The following GPR176 variants were observed in gnomAD, a reference collection of about 807,000 sequenced individuals.
GPR176 encodes the protein G protein-coupled receptor 176, also known as G-protein coupled receptor 176.
GPR176 carries 26 observed loss-of-function variants against 35.4 expected under a neutral mutation model. The ratio of observed to expected loss-of-function variants is 0.74; its 90% CI spans 0.54 to 1.02. GPR176 has a LOEUF of 1.02. Among genes scored for constraint, GPR176 ranks in the 50% least tolerant of loss-of-function variants. The probability of loss-of-function intolerance (pLI) is 0.00; values close to 1 mark genes in which losing one functional copy is unlikely to be tolerated. For synonymous variants in GPR176, 278 were observed against 271.3 expected (o/e 1.02, Z -0.24); for missense variants, 597 against 665.3 (o/e 0.90, Z 1.13).
chr15:39,844,232 G>A (rs906466560), intron 1 of GPR176, among the ~76,000 whole-genome samples: 10 of 152,066 alleles, frequency 6.6e-5, no homozygotes, highest in African/African-American at 2.2e-4. Context: ...TGGGGTGCTT[G>A]TAAAAATATA....
At chr15:39,893,519 G>C (rs1383019457) in intron 1 of GPR176, among the ~76,000 whole-genome samples, 1 of 152,104 alleles carries the variant, frequency 6.6e-6, no homozygotes, top group African/African-American at 2.4e-5. Context: ...ACACAGACAC[G>C]GCAACCATCC....
chr15:39,901,879 G>T (rs2033287608), intron 1 of GPR176, among the ~76,000 whole-genome samples: 1 of 151,308 alleles, frequency 6.6e-6, no homozygotes, highest in African/African-American at 2.4e-5. Context: ...TTCGAGACCA[G>T]CCTGGCCAAT....
chr15:39,871,450 G>C (rs1185438685), intron 1 of GPR176, among the ~76,000 whole-genome samples: 1 of 152,210 alleles, frequency 6.6e-6, no homozygotes, highest in Non-Finnish European at 1.5e-5. Context: ...GCAAGGTAGA[G>C]AGTGGAGATG....
At position 39,885,818 on chromosome 15, in the gene GPR176, A is replaced by T. The variant is rs145988844; in HGVS notation, c.172+34037T>A. On this transcript the variant is annotated intron_variant, in intron 1 of 2. Transcript: ENST00000561100. ...CTGTACCTATCTCAAAAAGTGATGT[A>T]GAACAAGACACTGATGTAGAAGACA... Among the ~76,000 whole-genome samples, 289 of 152,390 alleles carry T rather than the reference A, an allele frequency of 1.9e-3. 1 individual carries two copies. Among genetic ancestry groups the T allele is most frequent in the African/African-American group, 6.4e-3 (265 of 41,604 alleles).
chr15:39,867,016 A>G (rs1256105939), intron 1 of GPR176, among the ~76,000 whole-genome samples: 1 of 152,162 alleles, frequency 6.6e-6, no homozygotes, highest in African/African-American at 2.4e-5. Context: ...GCATCCAGAG[A>G]GGAGAAAGAG....
chr15:39,893,734 T>C (rs1437524241), intron 1 of GPR176, among the ~76,000 whole-genome samples: 4 of 146,384 alleles, frequency 2.7e-5, no homozygotes, highest in East Asian at 4.1e-4. Context: ...GGCGGGGGGC[T>C]GACCCCCCCA....
chr15:39,840,968 T>G (rs1356231926), intron 1 of GPR176, among the ~76,000 whole-genome samples: 1 of 152,246 alleles, frequency 6.6e-6, no homozygotes, highest in East Asian at 1.9e-4. Context: ...TTGCACATGA[T>G]CACATAGTAA....
intron 1 of GPR176, among the ~76,000 whole-genome samples, chr15:39,827,530 T>G (rs938415611): frequency 2.0e-5 from 3 of 152,246 alleles, no homozygotes; most frequent in African/African-American, 7.2e-5. Context: ...CCCCATCTTC[T>G]TCTATCCCAC....
intron 1 of GPR176, among the ~76,000 whole-genome samples, chr15:39,902,529 A>T (rs1322583855): frequency 6.6e-6 from 1 of 152,196 alleles, no homozygotes; most frequent in Non-Finnish European, 1.5e-5. Flanking sequence ...TTGCTACTAA[A>T]GACTTGCAAC....
rs754289383 is a variant in GPR176, at chr15:39,829,052, G to C, written c.173-21794C>G. 1.1e-4 allele frequency: 90 copies of C among 787,260 alleles called. 3 individuals carry two copies. In the South Asian group the frequency reaches 1.2e-3, roughly 11 times the overall value. 48.8% of individuals were successfully genotyped at this position (787,260 alleles called of 1,614,324 possible). ...CTATTCTATCCCATTTTAAAAATAA[G>C]GAAATTGAGGCACTGAAAGGTTAAT... On this transcript the variant is annotated intron_variant, in intron 1 of 2. Transcript: ENST00000561100.
intron 1 of GPR176, among the ~76,000 whole-genome samples, chr15:39,850,587 G>C (rs977788918): frequency 3.3e-5 from 5 of 152,096 alleles, no homozygotes; most frequent in Non-Finnish European, 4.4e-5. Context: ...GTGTGGAAGG[G>C]AAGTAGGTGT....
intron 1 of GPR176, chr15:39,860,886 C>T (rs1340806326): frequency 6.6e-6 from 1 of 152,212 alleles, no homozygotes; most frequent in African/African-American, 2.4e-5. Flanking sequence ...TGCCCACTCA[C>T]TGGCTCCATT....
chr15:39,811,647 T>G (rs1290848683), intron 1 of GPR176, among the ~76,000 whole-genome samples: 3 of 152,178 alleles, frequency 2.0e-5, no homozygotes, highest in African/African-American at 4.8e-5. Flanking sequence ...CGGGGTGTGG[T>G]GGCTCACACC....
At chr15:39,842,776 G>A (rs1167194838) in intron 1 of GPR176, among the ~76,000 whole-genome samples, 1 of 152,052 alleles carries the variant, frequency 6.6e-6, no homozygotes, top group African/African-American at 2.4e-5. Context: ...AAGCCACCTA[G>A]TTTATGGTAT....
intron 1 of GPR176, among the ~76,000 whole-genome samples, chr15:39,826,432 A>C (rs1426519754): frequency 6.6e-6 from 1 of 152,184 alleles, no homozygotes. Context: ...TAAAAGTCAC[A>C]GAAAACCTCA....
intron 2 of GPR176, among the ~76,000 whole-genome samples, chr15:39,803,400 C>T (rs1293585910): frequency 1.3e-5 from 2 of 149,648 alleles, no homozygotes; most frequent in African/African-American, 4.9e-5. Context: ...CTGCCTCAGT[C>T]TCTCGAGCAG....
intron 2 of GPR176, among the ~76,000 whole-genome samples, chr15:39,802,821 C>T (rs1253397093): frequency 6.6e-6 from 1 of 152,176 alleles, no homozygotes; most frequent in African/African-American, 2.4e-5. Flanking sequence ...GAATGGACTC[C>T]GACAAGGTCC....
chr15:39,918,003 C>G (rs1314474186), intron 1 of GPR176, among the ~76,000 whole-genome samples: 1 of 148,578 alleles, frequency 6.7e-6, no homozygotes, highest in Admixed American at 6.7e-5. Context: ...GGAGATCATG[C>G]CATTGCACTC....
intron 1 of GPR176, among the ~76,000 whole-genome samples, chr15:39,888,174 C>T (rs1048377152): frequency 3.9e-5 from 6 of 152,176 alleles, no homozygotes; most frequent in African/African-American, 1.4e-4. Flanking sequence ...TCTTTGAGAT[C>T]TATTCACTTC....
Sources: gnomAD v4.1 joint callset for allele counts (sites outside exome capture counted in the v4.1 genomes callset) on GRCh38, gnomAD v4.1.1 for gene constraint, MANE v1.5 for transcripts, NCBI Gene and HGNC (gene_info 2026-07-23, HGNC 2026-07-21) for gene names.